The following ADGRL2 variants were observed in gnomAD, a reference collection of about 807,000 sequenced individuals.
ADGRL2 encodes the protein calcium-independent alpha-latrotoxin receptor 2.
Under a neutral mutation model 157.4 loss-of-function variants are expected in ADGRL2, and 44 were observed. The ratio of observed to expected loss-of-function variants is 0.28; its 90% CI spans 0.22 to 0.36. ADGRL2 has a LOEUF of 0.36. Among genes scored for constraint, ADGRL2 ranks in the 10% least tolerant of loss-of-function variants. The probability of loss-of-function intolerance (pLI) is 1.00; values close to 1 mark genes in which losing one functional copy is unlikely to be tolerated. For synonymous variants in ADGRL2, 585 were observed against 624.7 expected (o/e 0.94, Z 0.95); for missense variants, 1,510 against 1,768.9 (o/e 0.85, Z 2.63).
At chr1:81,632,651 C>T (rs909175189) in intron 3 of ADGRL2, among the ~76,000 whole-genome samples, 3 of 151,476 alleles carry the variant, frequency 2.0e-5, no homozygotes, top group Admixed American at 1.3e-4. Flanking sequence ...CCCAACTACT[C>T]GGGAGGCTGA....
intron 3 of ADGRL2, among the ~76,000 whole-genome samples, chr1:81,931,969 C>A (rs542070300): frequency 6.6e-6 from 1 of 152,214 alleles, no homozygotes; most frequent in East Asian, 1.9e-4. Context: ...ATTCGCAAGG[C>A]CTACTTATGC....
intron 1 of ADGRL2, among the ~76,000 whole-genome samples, chr1:81,711,317 GT>G (rs1295777568): frequency 7.9e-5 from 12 of 152,156 alleles, no homozygotes. Flanking sequence ...AATAACCATC[GT>G]TTGTCTGTCA....
chr1:81,429,342 C>T (rs933596789), intron 1 of ADGRL2, among the ~76,000 whole-genome samples: 15 of 152,170 alleles, frequency 9.9e-5, no homozygotes, highest in South Asian at 2.1e-4. Context: ...TTCTCATACA[C>T]GATTCATGCA....
chr1:81,937,625 ATTG>A (rs950400029), intron 4 of ADGRL2, among the ~76,000 whole-genome samples: 52 of 151,952 alleles, frequency 3.4e-4, no homozygotes, highest in African/African-American at 1.2e-3. Flanking sequence ...GTTTGATAGT[ATTG>A]TTGTCTTCTT....
intron 3 of ADGRL2, among the ~76,000 whole-genome samples, chr1:81,668,086 A>C (rs1330050992): frequency 6.6e-6 from 1 of 152,212 alleles, no homozygotes; most frequent in Non-Finnish European, 1.5e-5. Flanking sequence ...CTGTAGTAGC[A>C]CCTAATTTAT....
rs116248808 is a variant in ADGRL2 at position 81,879,913 on chromosome 1, G to A, written c.74-27104G>A. Among the ~76,000 whole-genome samples the A allele has an allele frequency of 9.8e-3, 1,498 of 152,204 alleles. 29 individuals carry two copies. The highest frequency in any genetic ancestry group is 0.035 in the African/African-American group (1,439 of 41,520). On this transcript the variant is annotated intron_variant, in intron 2 of 23. Transcript: ENST00000686636. ...TTGTTGGCACGCACCTGTAATCCCT[G>A]CTACTCAGGTGGCTGAGGCATGAGA...
intron 1 of ADGRL2, among the ~76,000 whole-genome samples, chr1:81,747,509 C>G (rs1422742397): frequency 4.0e-5 from 6 of 151,828 alleles, no homozygotes; most frequent in Non-Finnish European, 8.8e-5. Context: ...ATCATGTTCC[C>G]CAGGCTGGTC....
chr1:81,405,404 G>A (rs10874237), intron 1 of ADGRL2, among the ~76,000 whole-genome samples: 70,959 of 151,900 alleles, frequency 0.47, 17,376 homozygotes, highest in Non-Finnish European at 0.54. Flanking sequence ...GTGGTGGCTC[G>A]TGCCTGTAAT....
At chr1:81,906,034 AG>A (rs2094579039) in intron 2 of ADGRL2, among the ~76,000 whole-genome samples, 1 of 150,458 alleles carries the variant, frequency 6.6e-6, no homozygotes, top group Admixed American at 6.7e-5. Context: ...ATATTTTGGA[AG>A]TTTGGCCTGT....
chr1:81,723,157 C>T (rs2084393667), intron 1 of ADGRL2: 6 of 576,298 alleles, frequency 1.0e-5, no homozygotes, highest in Non-Finnish European at 1.9e-5. Flanking sequence ...ACCAGTGTAC[C>T]TCTGACCTTC....
At chr1:81,325,078 A>G (rs773052324) in intron 1 of ADGRL2, among the ~76,000 whole-genome samples, 9 of 152,144 alleles carry the variant, frequency 5.9e-5, no homozygotes, top group Admixed American at 1.3e-4. Flanking sequence ...GAGAAACCAG[A>G]TAGACTATTT....
intron 1 of ADGRL2, among the ~76,000 whole-genome samples, chr1:81,307,433 A>G (rs79811528): frequency 0.012 from 1,808 of 152,324 alleles, 23 homozygotes; most frequent in Middle Eastern, 0.027. Context: ...ATAACATTAT[A>G]GACTTTAAAA....
intron 2 of ADGRL2, among the ~76,000 whole-genome samples, chr1:81,451,800 T>C (rs1047446753): frequency 3.3e-5 from 5 of 152,218 alleles, no homozygotes; most frequent in Admixed American, 1.3e-4. Context: ...CATGCGTTAA[T>C]TTTTTGTTAA....
intron 1 of ADGRL2, among the ~76,000 whole-genome samples, chr1:81,380,903 T>G (rs992618020): frequency 6.6e-6 from 1 of 152,034 alleles, no homozygotes; most frequent in East Asian, 1.9e-4. Flanking sequence ...TTCAATTACA[T>G]GAAACACAGA....
intron 1 of ADGRL2, among the ~76,000 whole-genome samples, chr1:81,407,596 A>G (rs1467569718): frequency 6.6e-6 from 1 of 152,244 alleles, no homozygotes; most frequent in Non-Finnish European, 1.5e-5. Context: ...CATGGCTTTT[A>G]TTTAAGGGTG....
At chr1:81,843,787 A>T (rs1197812879) in intron 2 of ADGRL2, among the ~76,000 whole-genome samples, 1 of 152,220 alleles carries the variant, frequency 6.6e-6, no homozygotes, top group African/African-American at 2.4e-5. Context: ...TTATATACCA[A>T]TATTTAGTGT....
At chr1:81,523,856 G>T (rs2079384152) in intron 2 of ADGRL2, among the ~76,000 whole-genome samples, 1 of 152,012 alleles carries the variant, frequency 6.6e-6, no homozygotes, top group African/African-American at 2.4e-5. Flanking sequence ...AAGGTCAGGA[G>T]TTCAAAACCA....
Position 81,383,787 on chromosome 1 carries a change from C to A in ADGRL2, c.-301-61249C>A, listed in dbSNP as rs775037274. On this transcript the variant is annotated intron_variant, in intron 1 of 24. Transcript: ENST00000370721. The stretch of plus-strand genomic sequence containing the variant: ...AGACCATCCTGGCTAACACGGTGAA[C>A]TCCCATCTCTACTAAAAATACAAAA... 1.6e-3 allele frequency among the ~76,000 whole-genome samples: 220 copies of A among 140,550 alleles called. 2 individuals carry two copies. The highest frequency in any genetic ancestry group is 3.3e-3 in the African/African-American group (126 of 38,202). 92.2% of individuals were successfully genotyped at this position (140,550 alleles called of 152,430 possible).
chr1:81,426,504 T>C, intron 1 of ADGRL2: 1 of 403,692 alleles, frequency 2.5e-6, no homozygotes, highest in Non-Finnish European at 4.8e-6. Context: ...ATTCCAGCTG[T>C]GACCGTCACC....
Sources: allele counts gnomAD v4.1 joint callset (sites outside exome capture counted in the v4.1 genomes callset), GRCh38; gene constraint gnomAD v4.1.1; transcripts MANE v1.5; gene names NCBI Gene and HGNC (gene_info 2026-07-23, HGNC 2026-07-21).